The following POLR3B variants were observed in gnomAD, a reference collection of about 807,000 sequenced individuals.
POLR3B encodes DNA-directed RNA polymerase III subunit RPC2.
A neutral mutation model predicts 147.4 loss-of-function variants in POLR3B; 96 were observed. The ratio of observed to expected loss-of-function variants is 0.65; its 90% CI spans 0.55 to 0.77. The LOEUF (loss-of-function observed/expected upper bound fraction) is 0.77. Ranked by LOEUF, POLR3B falls within the 30% of genes least tolerant of loss-of-function variation. POLR3B has a pLI of 0.00. For synonymous variants in POLR3B, 461 were observed against 485.9 expected (o/e 0.95, Z 0.67); for missense variants, 1,036 against 1,413.5 (o/e 0.73, Z 4.28).
chr12:106,503,864 T>C (rs890565297), intron 26 of POLR3B, among the ~76,000 whole-genome samples: 2 of 152,246 alleles, frequency 1.3e-5, no homozygotes, highest in African/African-American at 4.8e-5. Flanking sequence ...CAACCATCAA[T>C]ATTACATCTT....
At chr12:106,466,749 A>G (rs1042478014) in intron 23 of POLR3B, among the ~76,000 whole-genome samples, 1 of 152,170 alleles carries the variant, frequency 6.6e-6, no homozygotes, top group African/African-American at 2.4e-5. Context: ...TTTATCAAAG[A>G]TCAGATGGTG....
At chr12:106,416,029 A>G (rs1300926398) in intron 12 of POLR3B, among the ~76,000 whole-genome samples, 1 of 152,194 alleles carries the variant, frequency 6.6e-6, no homozygotes, top group Non-Finnish European at 1.5e-5. Flanking sequence ...GACTCTGTGA[A>G]TTTATGCTTA....
At chr12:106,425,546 G>C (rs2037424158) in intron 12 of POLR3B, among the ~76,000 whole-genome samples, 1 of 152,108 alleles carries the variant, frequency 6.6e-6, no homozygotes, top group Non-Finnish European at 1.5e-5. Context: ...AGGGACTTAG[G>C]TGTTGCTTCC....
intron 23 of POLR3B, among the ~76,000 whole-genome samples, chr12:106,488,300 C>T (rs1426915461): frequency 6.6e-6 from 1 of 152,150 alleles, no homozygotes; most frequent in African/African-American, 2.4e-5. Flanking sequence ...AGAGCTGGAC[C>T]TTTGATTAAG....
intron 12 of POLR3B, among the ~76,000 whole-genome samples, chr12:106,424,394 A>T (rs948363083): frequency 2.6e-5 from 4 of 152,106 alleles, no homozygotes; most frequent in African/African-American, 9.7e-5. Context: ...ATCCATTATT[A>T]AGTTCCCCAT....
intron 2 of POLR3B, 107 bp downstream of exon 2, chr12:106,364,009 T>C: frequency 1.6e-5 from 13 of 797,968 alleles, no homozygotes; most frequent in Non-Finnish European, 2.8e-5. Flanking sequence ...TTTTTGATTT[T>C]GTATAGCTGT....
At chr12:106,358,202 G>T (rs2036416881) in intron 1 of POLR3B, 1 of 1,418,460 alleles carries the variant, frequency 7.0e-7, no homozygotes, top group African/African-American at 1.4e-5. Context: ...TGGCTCTAGG[G>T]TTGGAGCTCT....
intron 9 of POLR3B, 84 bp from the exon 10 acceptor site, chr12:106,392,947 A>G (rs2036930213): frequency 6.3e-7 from 1 of 1,577,336 alleles, no homozygotes; most frequent in Admixed American, 1.7e-5. Context: ...AGTAATACCC[A>G]CAAACAATGC....
At chr12:106,496,012 C>T in intron 23 of POLR3B, 43 bp from the exon 24 acceptor site, 1 of 1,157,040 alleles carries the variant, frequency 8.6e-7, no homozygotes, top group Non-Finnish European at 1.3e-6. Context: ...TTCTTCCTTT[C>T]TGCCAACTTG....
At chr12:106,480,513 A>G (rs2038251830) in intron 23 of POLR3B, among the ~76,000 whole-genome samples, 1 of 152,086 alleles carries the variant, frequency 6.6e-6, no homozygotes, top group South Asian at 2.1e-4. Context: ...CTTACTCTTC[A>G]GTGCATAGAC....
rs934229783 is a variant in POLR3B at position 106,443,848 on chromosome 12, C to T, written c.1956-615C>T. 5.6e-5 allele frequency among the ~76,000 whole-genome samples: 8 copies of T among 143,706 alleles called. No individual in the cohort carries two copies. In the South Asian group the frequency reaches 6.7e-4, roughly 12 times the overall value. The allele number at this position is 143,706 out of a possible 152,430, so 94.3% of individuals were successfully genotyped here. ...TAGTACCTATTCTTTTTTTTTGAGACGGAGTCTCGCTCTCTCGCCAGGCTG... is the reference window on the plus strand; with the variant it reads ...TAGTACCTATTCTTTTTTTTTGAGATGGAGTCTCGCTCTCTCGCCAGGCTG... On this transcript the variant is annotated intron_variant, in intron 18 of 27. Transcript: ENST00000228347.
intron 10 of POLR3B, among the ~76,000 whole-genome samples, chr12:106,401,518 A>C (rs1240509658): frequency 6.6e-6 from 1 of 152,228 alleles, no homozygotes; most frequent in African/African-American, 2.4e-5. Flanking sequence ...AAAAAAGAGA[A>C]TTTTAGACCA....
At chr12:106,447,982 A>G (rs7300948) in intron 19 of POLR3B, among the ~76,000 whole-genome samples, 1 of 152,214 alleles carries the variant, frequency 6.6e-6, no homozygotes, top group Non-Finnish European at 1.5e-5. Flanking sequence ...ATTTTGAGAC[A>G]CTAAAAACAC....
At position 106,475,811 on chromosome 12, in the gene POLR3B, T is replaced by G. The variant is rs2038159967; in HGVS notation, c.2713+12191T>G. Among the ~76,000 whole-genome samples, 4 of 150,460 alleles carry G rather than the reference T, an allele frequency of 2.7e-5. No individual in the cohort carries two copies. In the South Asian group the frequency reaches 8.5e-4, roughly 32 times the overall value. ...ATACAGCACACTGATGGGTCTTGACTCTTTATCCAACTTGCCAGTCTGTGT... is the reference window on the plus strand; with the variant it reads ...ATACAGCACACTGATGGGTCTTGACGCTTTATCCAACTTGCCAGTCTGTGT... On this transcript the variant is annotated intron_variant, in intron 23 of 27. Coordinates refer to ENST00000228347, the MANE Select transcript of POLR3B (RefSeq NM_018082.6).
intron 23 of POLR3B, among the ~76,000 whole-genome samples, chr12:106,483,791 A>T (rs1037717543): frequency 6.6e-6 from 1 of 152,188 alleles, no homozygotes; most frequent in African/African-American, 2.4e-5. Context: ...AGAGTCTATA[A>T]GTTACTGCAG....
chr12:106,377,322 A>G (rs1355515548), intron 7 of POLR3B, among the ~76,000 whole-genome samples: 1 of 152,204 alleles, frequency 6.6e-6, no homozygotes, highest in Non-Finnish European at 1.5e-5. Context: ...TTATTCCTGT[A>G]AAGTTGCATT....
intron 13 of POLR3B, among the ~76,000 whole-genome samples, chr12:106,428,637 A>T (rs2037467796): frequency 6.6e-6 from 1 of 152,148 alleles, no homozygotes; most frequent in African/African-American, 2.4e-5. Flanking sequence ...TGTGTGCTGA[A>T]TACTTATTTA....
chr12:106,450,168 T>C (rs2037777305), intron 19 of POLR3B, among the ~76,000 whole-genome samples: 1 of 152,086 alleles, frequency 6.6e-6, no homozygotes, highest in South Asian at 2.1e-4. Context: ...AAAATAAATA[T>C]CTGTATACTT....
intron 23 of POLR3B, among the ~76,000 whole-genome samples, chr12:106,488,323 C>T (rs1049916928): frequency 9.2e-5 from 14 of 152,200 alleles, no homozygotes; most frequent in South Asian, 2.1e-4. Flanking sequence ...TCTCTAGAGC[C>T]GTTCATCCTT....
Sources: allele counts gnomAD v4.1 joint callset (sites outside exome capture counted in the v4.1 genomes callset), GRCh38; gene constraint gnomAD v4.1.1; transcripts MANE v1.5; gene names NCBI Gene and HGNC (gene_info 2026-07-23, HGNC 2026-07-21).